TMCO5A: variants seen among roughly 807,000 people sequenced by gnomAD.
The protein encoded by TMCO5A is transmembrane and coiled-coil domains 5A.
In TMCO5A, 34 loss-of-function variants were observed where a neutral mutation model predicts 42.3. The observed-to-expected ratio is 0.80, with a 90% CI of 0.61 to 1.07. TMCO5A has a LOEUF of 1.07. TMCO5A is among the 50% of genes least tolerant of loss of function. TMCO5A has a pLI of 0.00. For missense variants in TMCO5A, 357 were observed against 327.9 expected (o/e 1.09, Z -0.69); for synonymous variants, 131 against 115.6 (o/e 1.13, Z -0.86).
chr15:38,032,186 C>T, the TMCO5A span, among the ~76,000 whole-genome samples: 1 of 152,096 alleles, frequency 6.6e-6, no homozygotes, highest in Non-Finnish European at 1.5e-5. Flanking sequence ...AACTCCCGAC[C>T]TCAGGTGATC....
At chr15:37,955,144 A>T (rs1890253411), downstream of TMCO5A, among the ~76,000 whole-genome samples, 2 of 151,900 alleles carry the variant, frequency 1.3e-5, no homozygotes, top group East Asian at 3.9e-4. Context: ...ATCAAAGGAC[A>T]TAGACTGGCT....
chr15:38,010,452 CACACAG>C, the TMCO5A span, among the ~76,000 whole-genome samples: 5 of 148,034 alleles, frequency 3.4e-5, no homozygotes, highest in Non-Finnish European at 5.9e-5. Context: ...CACACACACA[CACACAG>C]GAAGGGGCCA....
chr15:37,984,159 A>G, the TMCO5A span, among the ~76,000 whole-genome samples: 10 of 152,340 alleles, frequency 6.6e-5, no homozygotes, highest in East Asian at 1.9e-3. Flanking sequence ...GGCAGGGTAG[A>G]GAAGAAAGGG....
At chr15:38,010,414 G>C in the TMCO5A span, among the ~76,000 whole-genome samples, 1 of 63,082 alleles carries the variant, frequency 1.6e-5, no homozygotes, top group Non-Finnish European at 3.4e-5. Context: ...AAAGAGGGAG[G>C]CAGAGGGAGA....
At chr15:38,011,330 C>T in the TMCO5A span, among the ~76,000 whole-genome samples, 4 of 152,156 alleles carry the variant, frequency 2.6e-5, no homozygotes, top group African/African-American at 4.8e-5. Context: ...TCTTGTCACA[C>T]GTGTCCCTTC....
chr15:37,967,470 C>T (rs1221003750), exon 12 of TMCO5A: 1 of 152,148 alleles, frequency 6.6e-6, no homozygotes, highest in Non-Finnish European at 1.5e-5. Context: ...TTTTAATTAA[C>T]TTCTGGATTA....
At chr15:38,012,239 G>A in the TMCO5A span, among the ~76,000 whole-genome samples, 2 of 152,076 alleles carry the variant, frequency 1.3e-5, no homozygotes. Flanking sequence ...ATCTTTTCTT[G>A]CTCTCAATGG....
At chr15:38,033,001 C>T in the TMCO5A span, among the ~76,000 whole-genome samples, 2 of 149,006 alleles carry the variant, frequency 1.3e-5, no homozygotes, top group African/African-American at 5.0e-5. Context: ...CATGTTGGCT[C>T]ACTGCAAGCT....
the TMCO5A span, among the ~76,000 whole-genome samples, chr15:37,987,444 A>G: frequency 1.3e-5 from 2 of 152,006 alleles, no homozygotes; most frequent in East Asian, 1.9e-4. Flanking sequence ...CTTTGGTGCT[A>G]TATCTAAAAA....
intron 11 of TMCO5A, among the ~76,000 whole-genome samples, chr15:37,964,367 C>T (rs1428407154): frequency 2.0e-5 from 3 of 152,142 alleles, no homozygotes; most frequent in Non-Finnish European, 4.4e-5. Context: ...ATGGGTCTTT[C>T]AGCCATGGAT....
intron 5 of TMCO5A, 68 bp downstream of exon 5, chr15:37,937,464 G>T: frequency 1.3e-6 from 2 of 1,554,806 alleles, no homozygotes; most frequent in South Asian, 1.1e-5. Flanking sequence ...GGCAAGGTTT[G>T]GGGGAAGTGA....
the TMCO5A span, among the ~76,000 whole-genome samples, chr15:37,997,864 C>T: frequency 2.0e-5 from 3 of 152,090 alleles, no homozygotes; most frequent in Non-Finnish European, 4.4e-5. Context: ...CATATAATCG[C>T]CAGCATTTGT....
chr15:37,939,308 A>G (rs1595587103), intron 6 of TMCO5A, among the ~76,000 whole-genome samples: 2 of 152,124 alleles, frequency 1.3e-5, no homozygotes, highest in Non-Finnish European at 2.9e-5. Flanking sequence ...TTTGATGACC[A>G]CAAAAATAGG....
the TMCO5A span, among the ~76,000 whole-genome samples, chr15:37,975,000 CA>C: frequency 1.4e-3 from 217 of 152,276 alleles, no homozygotes; most frequent in Non-Finnish European, 2.9e-3. Context: ...ATTGTTTACA[CA>C]AAAGTTACTT....
At chr15:37,980,454 G>A in the TMCO5A span, among the ~76,000 whole-genome samples, 4 of 152,092 alleles carry the variant, frequency 2.6e-5, no homozygotes, top group South Asian at 2.1e-4. Flanking sequence ...CCGATCCTGG[G>A]TGGGTAGCTG....
At chr15:37,955,175 C>A (rs1377794267), downstream of TMCO5A, among the ~76,000 whole-genome samples, 1 of 150,168 alleles carries the variant, frequency 6.7e-6, no homozygotes, top group Non-Finnish European at 1.5e-5. Context: ...ACAAACAGGA[C>A]CCAAGGATCT....
the TMCO5A span, among the ~76,000 whole-genome samples, chr15:37,993,742 T>C: frequency 6.6e-6 from 1 of 152,202 alleles, no homozygotes; most frequent in African/African-American, 2.4e-5. Context: ...AAAATAGCAA[T>C]CATGGATCAG....
the TMCO5A span, among the ~76,000 whole-genome samples, chr15:38,010,409 G>T: frequency 1.1e-5 from 1 of 88,624 alleles, no homozygotes; most frequent in Non-Finnish European, 2.3e-5. Context: ...AAAAAAAAGA[G>T]GGAGGCAGAG....
At chr15:37,962,692 T>G (rs950238693) in intron 11 of TMCO5A, among the ~76,000 whole-genome samples, 1 of 152,050 alleles carries the variant, frequency 6.6e-6, no homozygotes, top group African/African-American at 2.4e-5. Flanking sequence ...TGTTGGTAAT[T>G]TTCAAATTGC....
Sources: gnomAD v4.1 joint callset for allele counts (sites outside exome capture counted in the v4.1 genomes callset) on GRCh38, gnomAD v4.1.1 for gene constraint, MANE v1.5 for transcripts, NCBI Gene and HGNC (gene_info 2026-07-23, HGNC 2026-07-21) for gene names.